The following NIBAN3 variants were observed in gnomAD, a reference collection of about 807,000 sequenced individuals.
The protein encoded by NIBAN3 is niban apoptosis regulator 3.
In NIBAN3, 66 loss-of-function variants were observed where a neutral mutation model predicts 76.4. The ratio of observed to expected loss-of-function variants is 0.86; its 90% CI spans 0.71 to 1.06. The LOEUF (loss-of-function observed/expected upper bound fraction) is 1.06. Among genes scored for constraint, NIBAN3 ranks in the 50% least tolerant of loss-of-function variants. The pLI is 0.00. For synonymous variants in NIBAN3, 360 were observed against 355.2 expected (o/e 1.01, Z -0.15); for missense variants, 808 against 810.7 (o/e 1.00, Z 0.04).
At chr19:17,536,177 T>C (rs1441849341) in intron 4 of NIBAN3, among the ~76,000 whole-genome samples, 1 of 152,156 alleles carries the variant, frequency 6.6e-6, no homozygotes, top group African/African-American at 2.4e-5. Flanking sequence ...ATTGATTTCC[T>C]TTTCTTTTCT....
Position 17,533,657 on chromosome 19 carries a change from G to T in NIBAN3, c.383G>T (p.Arg128Leu), listed in dbSNP as rs201345901. 27 of 1,613,968 alleles carry T rather than the reference G, an allele frequency of 1.7e-5. No homozygotes were observed. Among genetic ancestry groups the T allele is most frequent in the Non-Finnish European group, 1.5e-5 (18 of 1,180,034 alleles). Reference sequence around the variant, plus strand: ...GGATACACGCTCCTGACTTCCCAGCGAGAATATCTCCGCCTTTTGGATGCT... The same window carrying T: ...GGATACACGCTCCTGACTTCCCAGCTAGAATATCTCCGCCTTTTGGATGCT... ...LTGYTLLTSQ[R>L]EYLRLLDALC... The change falls in exon 4 of 15, where the codon CGA becomes CTA. Residue 128 changes from arginine (R) to leucine (L), a missense_variant. Physicochemically the swap from Arg to Leu is moderately radical, Grantham distance 102 (BLOSUM62 -2). Coordinates refer to ENST00000599164, the MANE Select transcript of NIBAN3 (RefSeq NM_001321827.2).
chr19:17,526,514 G>A (rs1034508071), upstream of NIBAN3, among the ~76,000 whole-genome samples: 4 of 152,022 alleles, frequency 2.6e-5, no homozygotes, highest in Non-Finnish European at 4.4e-5. Context: ...GCATGGTGGT[G>A]GCGTGTGCCT....
upstream of NIBAN3, chr19:17,527,226 G>T (rs527680787): frequency 8.7e-5 from 134 of 1,548,316 alleles, 2 homozygotes; most frequent in South Asian, 1.5e-3. Context: ...CAGGGGCGGG[G>T]CCTCTGAACC....
At chr19:17,545,216 T>C (rs2076029512) in intron 12 of NIBAN3, 1 of 130,370 alleles carries the variant, frequency 7.7e-6, no homozygotes. Flanking sequence ...TTTTATTTTA[T>C]TTTTAGACGG....
Position 17,533,224 on chromosome 19 carries a change from A to G in NIBAN3, c.313-363A>G, listed in dbSNP as rs541756591. 3.4e-3 allele frequency among the ~76,000 whole-genome samples: 515 copies of G among 152,292 alleles called. 3 individuals carry two copies. The highest frequency in any genetic ancestry group is 0.012 in the African/African-American group (483 of 41,568). On this transcript the variant is annotated intron_variant, in intron 3 of 14. Transcript: ENST00000599164. ...CAGGAGTTCAAGACCAGCCTGGGCA[A>G]CATGGCGAAACCCCGTCTCAATTAA...
intron 14 of NIBAN3, among the ~76,000 whole-genome samples, chr19:17,551,468 C>T (rs781251125): frequency 7.2e-5 from 11 of 151,758 alleles, no homozygotes; most frequent in African/African-American, 1.9e-4. Flanking sequence ...AGTGCAATGG[C>T]GCGATCTCGG....
At chr19:17,549,799 G>T (rs2375636) in intron 14 of NIBAN3, 5 of 521,388 alleles carry the variant, frequency 9.6e-6, no homozygotes, top group Non-Finnish European at 1.4e-5. Flanking sequence ...TGGTGAATTT[G>T]TGTCCCATCT....
chr19:17,523,486 C>T (rs779793845), upstream of NIBAN3: 27 of 1,553,442 alleles, frequency 1.7e-5, no homozygotes, highest in South Asian at 5.9e-5. Flanking sequence ...GAGAGCTGAG[C>T]GGAAGCTCAG....
At chr19:17,535,356 G>A (rs868567895) in intron 4 of NIBAN3, among the ~76,000 whole-genome samples, 5 of 152,212 alleles carry the variant, frequency 3.3e-5, no homozygotes, top group Admixed American at 3.3e-4. Flanking sequence ...AGAGGCGGGA[G>A]GATCACTTGA....
chr19:17,537,617 G>C, intron 5 of NIBAN3, 74 bp downstream of exon 5: 1 of 1,413,120 alleles, frequency 7.1e-7, no homozygotes, highest in Non-Finnish European at 9.5e-7. Context: ...CTGTTGGCTC[G>C]GGACCTCTCC....
rs768961684 is a variant in NIBAN3 at position 17,532,376 on chromosome 19, C to T, written c.300C>T (p.Phe100=). The T allele has an allele frequency of 6.2e-7, 1 of 1,614,082 alleles. No individual in the cohort carries two copies. Among genetic ancestry groups the T allele is most frequent in the Non-Finnish European group, 8.5e-7 (1 of 1,180,040 alleles). ...GTGGGGACGGCCGCCTAGAGTGGTT[C>T]AGCCACAAGGAGGTGCGTGATTGGC... ...VLRGDGRLEW[F]SHKEEYENGG... Residue 100 remains phenylalanine, a synonymous_variant, in exon 3 of 15, where the codon TTC becomes TTT. Transcript: ENST00000599164.
chr19:17,530,749 C>CT lies in NIBAN3; in HGVS notation c.56-5dup, dbSNP rs2075705325. On this transcript the variant is annotated splice_polypyrimidine_tract_variant and splice_region_variant and intron_variant, in intron 1 of 14. Coordinates refer to ENST00000599164, the MANE Select transcript of NIBAN3 (RefSeq NM_001321827.2). ...TGCTGGGTTCACTGTCCCCTTGTCCCTGCAGGTCAGGTGGACACCCTGCTG... is the reference window on the plus strand; with the variant it reads ...TGCTGGGTTCACTGTCCCCTTGTCCCTTGCAGGTCAGGTGGACACCCTGCTG... 1 of 1,604,728 alleles carries CT rather than the reference C, an allele frequency of 6.2e-7. No individual in the cohort carries two copies. The highest frequency in any genetic ancestry group is 1.3e-5 in the African/African-American group (1 of 74,582).
rs1386660255 is a variant in NIBAN3 at position 17,550,842 on chromosome 19, A to G, written c.1751-944A>G. On this transcript the variant is annotated intron_variant, in intron 14 of 14. Transcript: ENST00000599164. ...TGCCACAGGGATTAATCTTGTACAT[A>G]CTTTTTTTTTTTTTTTTTTTTTTTC... Among the ~76,000 whole-genome samples the G allele has an allele frequency of 2.5e-4, 12 of 47,554 alleles. 1 individual carries two copies. The highest frequency in any genetic ancestry group is 6.9e-4 in the African/African-American group (12 of 17,386). 31.2% of individuals were successfully genotyped at this position (47,554 alleles called of 152,430 possible).
At position 17,540,502 on chromosome 19, in the gene NIBAN3, C is replaced by T. The variant is rs767340335; in HGVS notation, c.1090C>T (p.Arg364Trp). 1.3e-5 allele frequency: 20 copies of T among 1,598,256 alleles called. No individual in the cohort carries two copies. Among genetic ancestry groups the T allele is most frequent in the Non-Finnish European group, 1.6e-5 (19 of 1,172,834 alleles). Reference protein sequence around the residue: ...RTVEASLEAVRTLLAQGMDRL... With the variant: ...RTVEASLEAVWTLLAQGMDRL... The stretch of plus-strand genomic sequence containing the variant: ...CGTGGAAGCCTCGCTCGAGGCGGTG[C>T]GGACCCTCCTGGCTCAAGGCATGGA... Residue 364 changes from arginine to tryptophan, a missense_variant, in exon 9 of 15, where the codon CGG becomes TGG. Arg to Trp is a moderately radical substitution (Grantham distance 101). Coordinates refer to ENST00000599164, the MANE Select transcript of NIBAN3 (RefSeq NM_001321827.2).
chr19:17,553,083 A>G lies in NIBAN3; in HGVS notation c.*1185A>G. ...GGAGTGAGACCCTGTCTCAAAAAAC[A>G]AAATCCAAATATGTTGATTAGCCAT... On this transcript the variant is annotated 3_prime_UTR_variant, in exon 15 of 15. Coordinates refer to ENST00000599164, the MANE Select transcript of NIBAN3 (RefSeq NM_001321827.2). The G allele has an allele frequency of 1.8e-6, 1 of 562,506 alleles. No individual in the cohort carries two copies. The highest frequency in any genetic ancestry group is 2.8e-6 in the Non-Finnish European group (1 of 361,522). 34.8% of individuals were successfully genotyped at this position (562,506 alleles called of 1,614,324 possible). A position where few individuals can be genotyped will look rare whatever the true frequency, so the allele number is the denominator to read the frequency against.
At position 17,542,855 on chromosome 19, in the gene NIBAN3, G is replaced by A. The variant is rs2075981442; in HGVS notation, c.1330-462G>A. 6.6e-6 allele frequency among the ~76,000 whole-genome samples: 1 copy of A among 152,160 alleles called. No homozygotes were observed. The highest frequency in any genetic ancestry group is 2.1e-4 in the South Asian group (1 of 4,832). On this transcript the variant is annotated intron_variant, in intron 10 of 14. Transcript: ENST00000599164. This position sits in a 1 kb window ranked among gnomAD's most constrained non-coding sequence, Gnocchi z 4.8. ...GTTGGGGACAGGAAAAGAGGAGGCA[G>A]GGAGGAGGCCTGCACCAGGATGGGG...
In NIBAN3 at chr19:17,540,450, C is replaced by T. The variant is rs1348187298; in HGVS notation, c.1038C>T (p.Pro346=). ...CLRREVDPQL[P]RVVQTLLRTV... ...GCCGGGAGGTGGACCCGCAGCTGCCCCGGGTCGTGCAGACCCTGCTGCGCA... is the reference window on the plus strand; with the variant it reads ...GCCGGGAGGTGGACCCGCAGCTGCCTCGGGTCGTGCAGACCCTGCTGCGCA... Residue 346 remains proline (P), a synonymous_variant, in exon 9 of 15, where the codon CCC becomes CCT. Transcript: ENST00000599164. The T allele has an allele frequency of 3.8e-6, 6 of 1,571,016 alleles. No individual in the cohort carries two copies. The highest frequency in any genetic ancestry group is 5.2e-6 in the Non-Finnish European group (6 of 1,158,264).
At chr19:17,532,493 CAA>C (rs2075748277) in intron 3 of NIBAN3, 105 bp downstream of exon 3, 1 of 1,537,430 alleles carries the variant, frequency 6.5e-7, no homozygotes, top group Non-Finnish European at 9.0e-7. Context: ...CCACCTCTAT[CAA>C]TCACCCAGGA....
intron 1 of NIBAN3, among the ~76,000 whole-genome samples, chr19:17,530,406 G>A (rs8110609): frequency 0.34 from 51,307 of 151,188 alleles, 9,976 homozygotes; most frequent in African/African-American, 0.53. Flanking sequence ...GATGGCGTGC[G>A]CCTGTAGTCC....
Sources: allele counts gnomAD v4.1 joint callset (sites outside exome capture counted in the v4.1 genomes callset), GRCh38; gene constraint gnomAD v4.1.1; non-coding constraint Gnocchi (gnomAD v3.1); transcripts MANE v1.5; gene names NCBI Gene and HGNC (gene_info 2026-07-23, HGNC 2026-07-21).